ZMYND11: variants seen among roughly 807,000 people sequenced by gnomAD.
ZMYND11 encodes the protein zinc finger MYND domain-containing protein 11.
Under a neutral mutation model 84.9 loss-of-function variants are expected in ZMYND11, and 9 were observed. The ratio of observed to expected loss-of-function variants is 0.11; its 90% CI spans 0.06 to 0.18. The LOEUF (loss-of-function observed/expected upper bound fraction) is 0.18. Among genes scored for constraint, ZMYND11 ranks in the 10% least tolerant of loss-of-function variants. The pLI is 1.00. For synonymous variants in ZMYND11, 250 were observed against 244.1 expected (o/e 1.02, Z -0.23); for missense variants, 409 against 761.0 (o/e 0.54, Z 5.44).
intron 3 of ZMYND11, among the ~76,000 whole-genome samples, chr10:211,212 AATCT>A (rs1413407087): frequency 1.3e-5 from 2 of 151,882 alleles, no homozygotes; most frequent in African/African-American, 2.4e-5. Context: ...GAAAAAAAAA[AATCT>A]ATCTATAGAT....
intron 11 of ZMYND11, 108 bp downstream of exon 11, chr10:247,081 T>C: frequency 8.5e-7 from 1 of 1,176,264 alleles, no homozygotes; most frequent in Non-Finnish European, 1.2e-6. Flanking sequence ...TCTCCTTCCC[T>C]TTTTTACATT....
Position 221,242 on chromosome 10 carries a change from G to T in ZMYND11, c.324G>T (p.Leu108Phe). The stretch of plus-strand genomic sequence containing the variant: ...ACTGGTATTGTTTTGAATGCCATTT[G>T]CCTGGAGAGGTGTTGATATGTGACC... Reference protein sequence around the residue: ...NHDWYCFECHLPGEVLICDLC... With the variant: ...NHDWYCFECHFPGEVLICDLC... Residue 108 changes from leucine (L) to phenylalanine (F), a missense_variant, in exon 4 of 15, where the codon TTG becomes TTT. Physicochemically the swap from Leu to Phe is conservative, Grantham distance 22. Transcript: ENST00000381604. The T allele has an allele frequency of 1.9e-6, 3 of 1,613,962 alleles. No homozygotes were observed. Among genetic ancestry groups the T allele is most frequent in the Non-Finnish European group, 2.5e-6 (3 of 1,179,870 alleles).
At chr10:165,091 G>A (rs1287893168) in intron 1 of ZMYND11, among the ~76,000 whole-genome samples, 1 of 151,996 alleles carries the variant, frequency 6.6e-6, no homozygotes, top group Non-Finnish European at 1.5e-5. Context: ...TCTGGAAAGA[G>A]TTCTCTATTT....
At chr10:244,581 G>C (rs1389181548) in intron 10 of ZMYND11, 2 of 152,300 alleles carry the variant, frequency 1.3e-5, no homozygotes, top group African/African-American at 4.8e-5. Flanking sequence ...TGGATGGCAT[G>C]GCCCAGGCCA....
At chr10:231,907 C>A (rs980242816) in intron 4 of ZMYND11, among the ~76,000 whole-genome samples, 10 of 152,204 alleles carry the variant, frequency 6.6e-5, no homozygotes, top group Admixed American at 2.6e-4. Context: ...ATGTTTCTTT[C>A]TTGATGATTT....
chr10:209,688 G>A (rs1394440409), intron 2 of ZMYND11, among the ~76,000 whole-genome samples: 1 of 152,156 alleles, frequency 6.6e-6, no homozygotes, highest in African/African-American at 2.4e-5. Flanking sequence ...AAAATAGCAT[G>A]ATAATTGGAA....
intron 1 of ZMYND11, among the ~76,000 whole-genome samples, chr10:166,894 C>T (rs782079770): frequency 1.6e-4 from 25 of 152,076 alleles, no homozygotes; most frequent in Admixed American, 8.5e-4. Flanking sequence ...TTTATCCATA[C>T]GGTGGAATAT....
Position 209,933 on chromosome 10 carries a change from G to A in ZMYND11, c.161G>A (p.Arg54His), listed in dbSNP as rs753252625. The A allele has an allele frequency of 3.7e-6, 6 of 1,613,906 alleles. No homozygotes were observed. Among genetic ancestry groups the A allele is most frequent in the African/African-American group, 2.7e-5 (2 of 74,898 alleles). ...GGTATGCACCCTAAAGAGACCACCC[G>A]TCAGCTGAGCTTAGCTGTGAAAGAT... ...VHGMHPKETT[R>H]QLSLAVKDGL... The change falls in exon 3 of 15, where the codon CGT becomes CAT. Residue 54 changes from arginine (R) to histidine (H), a missense_variant. By Grantham distance (29) the Arg-to-His change is conservative (BLOSUM62 0). Coordinates refer to ENST00000381604, the MANE Select transcript of ZMYND11 (RefSeq NM_001370100.5).
intron 1 of ZMYND11, among the ~76,000 whole-genome samples, chr10:150,653 TG>T (rs1840113012): frequency 6.6e-6 from 1 of 152,210 alleles, no homozygotes; most frequent in Non-Finnish European, 1.5e-5. Flanking sequence ...AGACCACCTC[TG>T]GGGGCAGGGC....
At chr10:157,814 A>C (rs975832955) in intron 1 of ZMYND11, among the ~76,000 whole-genome samples, 2 of 152,202 alleles carry the variant, frequency 1.3e-5, no homozygotes, top group South Asian at 4.1e-4. Flanking sequence ...ACCACCGTCT[A>C]ATTCCAGAGC....
At chr10:240,240 T>C in intron 8 of ZMYND11, 129 bp downstream of exon 8, 2 of 769,234 alleles carry the variant, frequency 2.6e-6, no homozygotes, top group South Asian at 2.3e-5. Flanking sequence ...GCGTGGGGGC[T>C]CACGCCTGTA....
Position 242,244 on chromosome 10 carries a change from GA to G in ZMYND11, c.950+115del, listed in dbSNP as rs34123561. ...GATGCATGAAGTTTATTTTAAATTG[GA>G]AAAAAAAAACACATTATGCATCCAA... On this transcript the variant is annotated intron_variant, in intron 10 of 14. Coordinates refer to ENST00000381604, the MANE Select transcript of ZMYND11 (RefSeq NM_001370100.5). The G allele has an allele frequency of 2.6e-4, 344 of 1,324,980 alleles. 1 individual carries two copies. The highest frequency in any genetic ancestry group is 7.8e-4 in the Middle Eastern group (4 of 5,118). 82.1% of individuals were successfully genotyped at this position (1,324,980 alleles called of 1,614,324 possible). A position where few individuals can be genotyped will look rare whatever the true frequency, so the allele number is the denominator to read the frequency against.
At chr10:170,648 C>T (rs1845111911) in intron 1 of ZMYND11, among the ~76,000 whole-genome samples, 1 of 151,956 alleles carries the variant, frequency 6.6e-6, no homozygotes, top group Non-Finnish European at 1.5e-5. Context: ...ATGTATGTTG[C>T]AAACTCTAGG....
intron 2 of ZMYND11, among the ~76,000 whole-genome samples, chr10:186,642 C>CAA (rs56345833): frequency 3.8e-4 from 36 of 95,152 alleles, no homozygotes; most frequent in African/African-American, 1.1e-3. Context: ...AGGACTCTCT[C>CAA]AAAAAAAAAA....
intron 4 of ZMYND11, among the ~76,000 whole-genome samples, chr10:235,700 G>C (rs934529189): frequency 1.3e-5 from 2 of 152,180 alleles, no homozygotes; most frequent in African/African-American, 4.8e-5. Context: ...GCAGCTGTGG[G>C]CACAGGCCAC....
In ZMYND11 at chr10:180,052, G is replaced by C; in HGVS notation, c.40G>C (p.Ala14Pro). Residue 14 changes from alanine (A) to proline (P), a missense_variant, in exon 2 of 15, where the codon GCT becomes CCT. This residue lies in a region of ZMYND11 where 73 missense variants were observed against 185.8 expected (regional missense o/e 0.39). Coordinates refer to ENST00000381604, the MANE Select transcript of ZMYND11 (RefSeq NM_001370100.5). ...AAAAAGACGACAGGCGGATACAAAA[G>C]CTATCCAGCATCTTTGGGCAGCCAT... Reference protein sequence around the residue: ...LTKRRQADTKAIQHLWAAIEI... With the variant: ...LTKRRQADTKPIQHLWAAIEI... 1 of 1,613,718 alleles carries C rather than the reference G, an allele frequency of 6.2e-7. No individual in the cohort carries two copies. Among genetic ancestry groups the C allele is most frequent in the East Asian group, 2.2e-5 (1 of 44,836 alleles).
chr10:153,573 C>T (rs1840941083), intron 1 of ZMYND11, among the ~76,000 whole-genome samples: 1 of 152,150 alleles, frequency 6.6e-6, no homozygotes, highest in Non-Finnish European at 1.5e-5. Context: ...GTAACATCTA[C>T]AGAATGTTTA....
At position 253,810 on chromosome 10, in the gene ZMYND11, C is replaced by A. The variant is rs1335878261; in HGVS notation, c.*1340C>A. 2 of 152,562 alleles carry A rather than the reference C, an allele frequency of 1.3e-5. No individual in the cohort carries two copies. The highest frequency in any genetic ancestry group is 6.6e-5 in the Admixed American group (1 of 15,262). 9.5% of individuals were successfully genotyped at this position (152,562 alleles called of 1,614,324 possible). A position where few individuals can be genotyped will look rare whatever the true frequency, so the allele number is the denominator to read the frequency against. On this transcript the variant is annotated 3_prime_UTR_variant, in exon 15 of 15. Transcript: ENST00000381604. ...TGATATTTATTAAAGCAATTACTCA[C>A]AATGGAAGTGAAAGAATCAGGAGAA...
At chr10:144,286 A>G (rs1214372856) in intron 1 of ZMYND11, among the ~76,000 whole-genome samples, 5 of 152,042 alleles carry the variant, frequency 3.3e-5, no homozygotes, top group Non-Finnish European at 7.4e-5. Flanking sequence ...TAGCACCATA[A>G]CTGCTCACTG....
Sources: gnomAD v4.1 joint callset for allele counts (sites outside exome capture counted in the v4.1 genomes callset) on GRCh38, gnomAD v4.1.1 for gene constraint, gnomAD v4.1.1 regional missense constraint, MANE v1.5 for transcripts, NCBI Gene and HGNC (gene_info 2026-07-23, HGNC 2026-07-21) for gene names.